The following CPA6 variants were observed in gnomAD, a reference collection of about 807,000 sequenced individuals.
CPA6 encodes the protein carboxypeptidase B.
CPA6 carries 58 observed loss-of-function variants against 63.3 expected under a neutral mutation model. That is an observed-to-expected ratio of 0.92 (90% confidence interval 0.74 to 1.14). CPA6 has a LOEUF of 1.14. CPA6 is among the 50% of genes most tolerant of loss of function. CPA6 has a pLI of 0.00. For synonymous variants in CPA6, 185 were observed against 179.0 expected (o/e 1.03, Z -0.27); for missense variants, 565 against 526.6 (o/e 1.07, Z -0.71).
chr8:67,629,093 G>GGAA (rs1335109343), intron 1 of CPA6, among the ~76,000 whole-genome samples: 1 of 151,970 alleles, frequency 6.6e-6, no homozygotes, highest in Non-Finnish European at 1.5e-5. Flanking sequence ...CCAGCCTGAT[G>GGAA]ACAGAGTGAG....
At chr8:67,490,755 G>A (rs1298336895) in intron 6 of CPA6, among the ~76,000 whole-genome samples, 1 of 152,050 alleles carries the variant, frequency 6.6e-6, no homozygotes, top group African/African-American at 2.4e-5. Context: ...TAAAATCAAA[G>A]ACAAATTTTG....
intron 1 of CPA6, among the ~76,000 whole-genome samples, chr8:67,716,699 G>C (rs984238962): frequency 6.6e-6 from 1 of 152,146 alleles, no homozygotes; most frequent in Admixed American, 6.5e-5. Flanking sequence ...TTAAATCTTT[G>C]TAGCTATCTT....
intron 1 of CPA6, among the ~76,000 whole-genome samples, chr8:67,719,241 T>C (rs1281406034): frequency 6.6e-6 from 1 of 152,214 alleles, no homozygotes; most frequent in Non-Finnish European, 1.5e-5. Flanking sequence ...GAGATGTCCC[T>C]GTGGGATTGT....
intron 2 of CPA6, among the ~76,000 whole-genome samples, chr8:67,537,484 G>T (rs759200359): frequency 6.6e-6 from 1 of 152,194 alleles, no homozygotes; most frequent in African/African-American, 2.4e-5. Context: ...TTTGCGTAGA[G>T]GTGTTTATAG....
At chr8:67,694,875 C>T (rs766234499) in intron 1 of CPA6, among the ~76,000 whole-genome samples, 29 of 152,230 alleles carry the variant, frequency 1.9e-4, no homozygotes, top group Admixed American at 6.5e-4. Flanking sequence ...GAGAAATGTC[C>T]AGATGTCCAG....
chr8:67,611,916 T>C (rs1161358995), intron 2 of CPA6, among the ~76,000 whole-genome samples: 1 of 152,244 alleles, frequency 6.6e-6, no homozygotes, highest in Non-Finnish European at 1.5e-5. Flanking sequence ...CAAGTTCTTA[T>C]TCCCTTCCTT....
At chr8:67,472,788 T>G (rs190199336) in intron 8 of CPA6, among the ~76,000 whole-genome samples, 1 of 152,344 alleles carries the variant, frequency 6.6e-6, no homozygotes, top group Non-Finnish European at 1.5e-5. Flanking sequence ...CAAATATATT[T>G]ATTCATGATG....
rs961199725 is a variant in CPA6 at position 67,511,734 on chromosome 8, T to C, written c.318-79A>G. On this transcript the variant is annotated intron_variant, in intron 3 of 10. Transcript: ENST00000297770. ...CAGGCAACACCCAGAAAAAATCATA[T>C]GCATCTATGTAAAGAAAGACTGTGG... is the stretch of plus-strand genomic sequence containing the variant. 5.1e-6 allele frequency: 4 copies of C among 783,448 alleles called. 1 individual carries two copies. Among genetic ancestry groups the C allele is most frequent in the South Asian group, 4.2e-5 (3 of 71,790 alleles). The allele number at this position is 783,448 out of a possible 1,614,324, so 48.5% of individuals were successfully genotyped here.
At chr8:67,585,888 A>T (rs1437042601) in intron 2 of CPA6, among the ~76,000 whole-genome samples, 1 of 152,146 alleles carries the variant, frequency 6.6e-6, no homozygotes, top group Non-Finnish European at 1.5e-5. Flanking sequence ...CTGATTTGCT[A>T]GAAGTCATCC....
chr8:67,473,751 C>T (rs916508169), intron 8 of CPA6, among the ~76,000 whole-genome samples: 14 of 152,020 alleles, frequency 9.2e-5, no homozygotes, highest in Admixed American at 5.9e-4. Flanking sequence ...ATTACAGGCA[C>T]GTGCCACCAC....
chr8:67,456,860 G>C (rs536393282), intron 8 of CPA6, among the ~76,000 whole-genome samples: 12 of 152,354 alleles, frequency 7.9e-5, no homozygotes, highest in African/African-American at 2.9e-4. Context: ...CAGAAGAGAA[G>C]GCTATGAGAC....
At chr8:67,662,117 CAG>C (rs1351378812) in intron 1 of CPA6, among the ~76,000 whole-genome samples, 4 of 152,044 alleles carry the variant, frequency 2.6e-5, no homozygotes, top group African/African-American at 9.7e-5. Flanking sequence ...TAGTTGAAAA[CAG>C]GGGAAAGAAG....
At chr8:67,549,218 G>A (rs1812887644) in intron 2 of CPA6, among the ~76,000 whole-genome samples, 1 of 152,030 alleles carries the variant, frequency 6.6e-6, no homozygotes, top group Admixed American at 6.5e-5. Context: ...GCTTATCTAA[G>A]GATTTAGATA....
chr8:67,498,780 C>T (rs1811774400), intron 6 of CPA6, among the ~76,000 whole-genome samples: 1 of 152,094 alleles, frequency 6.6e-6, no homozygotes, highest in African/African-American at 2.4e-5. Context: ...ATTTTGCAAT[C>T]TAAGCGTACC....
chr8:67,670,312 A>C (rs1292662723), intron 1 of CPA6, among the ~76,000 whole-genome samples: 1 of 152,118 alleles, frequency 6.6e-6, no homozygotes, highest in African/African-American at 2.4e-5. Flanking sequence ...ACCTGGCCAG[A>C]GCAGGAGGCG....
chr8:67,709,712 G>A (rs903661026), intron 1 of CPA6, among the ~76,000 whole-genome samples: 3 of 152,184 alleles, frequency 2.0e-5, no homozygotes, highest in Non-Finnish European at 4.4e-5. Flanking sequence ...GGAATTGCAA[G>A]TAAAAATCAT....
At chr8:67,468,581 AAAAATAAAATAAAATAAAAT>A (rs55739926) in intron 8 of CPA6, among the ~76,000 whole-genome samples, 2 of 138,658 alleles carry the variant, frequency 1.4e-5, no homozygotes, top group African/African-American at 5.5e-5. Context: ...ACTCTGTCTC[AAAAATAAAATAAAATAAAAT>A]AAAATAAAAT....
At chr8:67,624,810 C>T (rs1399841945) in intron 1 of CPA6, among the ~76,000 whole-genome samples, 1 of 152,048 alleles carries the variant, frequency 6.6e-6, no homozygotes, top group Admixed American at 6.6e-5. Context: ...GGGCCGTCGG[C>T]GTTAGACACT....
At chr8:67,435,063 T>C (rs1383765666) in intron 8 of CPA6, among the ~76,000 whole-genome samples, 12 of 152,232 alleles carry the variant, frequency 7.9e-5, no homozygotes, top group Non-Finnish European at 5.9e-5. Flanking sequence ...CTTCCCTTTC[T>C]GTACTGTCCG....
Sources: gnomAD v4.1 joint callset for allele counts (sites outside exome capture counted in the v4.1 genomes callset) on GRCh38, gnomAD v4.1.1 for gene constraint, MANE v1.5 for transcripts, NCBI Gene and HGNC (gene_info 2026-07-23, HGNC 2026-07-21) for gene names.